COL24A1: variants seen among roughly 807,000 people sequenced by gnomAD.
The protein encoded by COL24A1 is collagen type XXIV alpha 1 chain, also known as collagen alpha-1(XXIV) chain.
COL24A1 carries 224 observed loss-of-function variants against 253.9 expected under a neutral mutation model. The ratio of observed to expected loss-of-function variants is 0.88; its 90% CI spans 0.79 to 0.99. The LOEUF (loss-of-function observed/expected upper bound fraction) is 0.99, where lower values mean the gene tolerates loss of function less well. Among genes scored for constraint, COL24A1 ranks in the 50% least tolerant of loss-of-function variants. COL24A1 has a pLI of 0.00. For missense variants in COL24A1, 2,131 were observed against 2,068.5 expected (o/e 1.03, Z -0.59); for synonymous variants, 685 against 673.7 (o/e 1.02, Z -0.26).
At chr1:86,025,150 T>C (rs147919490) in intron 14 of COL24A1, among the ~76,000 whole-genome samples, 8 of 152,316 alleles carry the variant, frequency 5.3e-5, no homozygotes, top group Non-Finnish European at 7.4e-5. Flanking sequence ...TATAGCCTTC[T>C]GAAAGCAACT....
chr1:85,775,788 A>T (rs915676845), intron 52 of COL24A1, 79 bp from the exon 53 acceptor site: 7 of 1,190,282 alleles, frequency 5.9e-6, no homozygotes, highest in Non-Finnish European at 8.5e-6. Context: ...TTATATGTAG[A>T]AACATGACAA....
chr1:86,125,336 C>A lies in COL24A1; in HGVS notation c.1000G>T (p.Ala334Ser). The part of the protein sequence containing the change: ...AVDLTNHGIQ[A>S]KEMITEEDTQ... ...TCTTCCTCAGTGATCATTTCTTTGG[C>A]CTGAATCCCATGGTTTGTGAGATCC... Residue 334 changes from alanine to serine, a missense_variant, in exon 3 of 60, where the codon GCC (alanine) becomes TCC (serine). Ala to Ser is a moderately conservative substitution (Grantham distance 99). Coordinates refer to ENST00000370571, the MANE Select transcript of COL24A1 (RefSeq NM_152890.7). The A allele has an allele frequency of 6.2e-7, 1 of 1,613,590 alleles. No homozygotes were observed. The highest frequency in any genetic ancestry group is 8.5e-7 in the Non-Finnish European group (1 of 1,179,774).
chr1:86,139,543 T>TA, intron 2 of COL24A1, among the ~76,000 whole-genome samples: 1 of 152,210 alleles, frequency 6.6e-6, no homozygotes, highest in East Asian at 1.9e-4. Context: ...ATTGGTAGTT[T>TA]AAAATACTTA....
At chr1:85,979,436 T>C (rs944793072) in intron 20 of COL24A1, among the ~76,000 whole-genome samples, 3 of 152,080 alleles carry the variant, frequency 2.0e-5, no homozygotes, top group Non-Finnish European at 1.5e-5. Flanking sequence ...GATAGGCAAT[T>C]ACTGAGATTA....
chr1:85,985,366 G>T (rs938647611), intron 20 of COL24A1, among the ~76,000 whole-genome samples: 1 of 151,730 alleles, frequency 6.6e-6, no homozygotes, highest in East Asian at 1.9e-4. Flanking sequence ...GCTTTTGGAA[G>T]AGTGATGGTG....
chr1:85,969,680 T>C (rs962501116), intron 22 of COL24A1, among the ~76,000 whole-genome samples: 1 of 145,558 alleles, frequency 6.9e-6, no homozygotes, highest in African/African-American at 2.6e-5. Context: ...AGAAATGAGA[T>C]GTATTTCATG....
intron 5 of COL24A1, among the ~76,000 whole-genome samples, chr1:86,110,789 C>A (rs1028995846): frequency 6.6e-6 from 1 of 152,174 alleles, no homozygotes; most frequent in African/African-American, 2.4e-5. Context: ...CAGGGCAGGG[C>A]TCCGGACCTG....
At chr1:86,021,584 T>A (rs1053848241) in intron 18 of COL24A1, among the ~76,000 whole-genome samples, 2 of 152,164 alleles carry the variant, frequency 1.3e-5, no homozygotes, top group South Asian at 4.1e-4. Flanking sequence ...TTAATTTAGA[T>A]GTATAGTCCT....
At chr1:85,766,778 T>C (rs1006891703) in intron 53 of COL24A1, among the ~76,000 whole-genome samples, 1 of 152,268 alleles carries the variant, frequency 6.6e-6, no homozygotes, top group Non-Finnish European at 1.5e-5. Flanking sequence ...AATAAATTCA[T>C]AGTTTAATAA....
At chr1:86,073,338 C>A (rs1026859002) in intron 7 of COL24A1, among the ~76,000 whole-genome samples, 1 of 151,830 alleles carries the variant, frequency 6.6e-6, no homozygotes, top group African/African-American at 2.4e-5. Flanking sequence ...TAGACAGTAT[C>A]AAGAATCAAA....
intron 47 of COL24A1, among the ~76,000 whole-genome samples, chr1:85,809,224 G>C (rs1282237594): frequency 2.6e-5 from 4 of 152,078 alleles, no homozygotes; most frequent in African/African-American, 9.7e-5. Context: ...GAGCAGCAAG[G>C]AATTAGAGAA....
chr1:85,828,346 T>C (rs943169425), intron 43 of COL24A1, among the ~76,000 whole-genome samples: 2 of 151,650 alleles, frequency 1.3e-5, no homozygotes, highest in Non-Finnish European at 2.9e-5. Flanking sequence ...CTTCCAAGTA[T>C]GTGGTCAATT....
chr1:86,061,025 C>G lies in COL24A1; in HGVS notation c.1753-1851G>C, dbSNP rs577199264. 2.0e-5 allele frequency among the ~76,000 whole-genome samples: 3 copies of G among 151,852 alleles called. No individual in the cohort carries two copies. The East Asian group carries it at 5.8e-4, about 29-fold the overall frequency. ...ACCCTATAAGATAGATATCTTTATT[C>G]CCATATGAGAGATGAGAAAAAATGA... On this transcript the variant is annotated intron_variant, in intron 8 of 59. Transcript: ENST00000370571.
chr1:85,940,747 T>C (rs1688683796), intron 24 of COL24A1, among the ~76,000 whole-genome samples: 2 of 152,144 alleles, frequency 1.3e-5, no homozygotes, highest in Non-Finnish European at 2.9e-5. Context: ...ATCAAAAATG[T>C]AGTAATAAAA....
Position 86,022,256 on chromosome 1 carries a change from C to G in COL24A1, c.2240G>C (p.Gly747Ala). 1.2e-6 allele frequency: 2 copies of G among 1,612,996 alleles called. No individual in the cohort carries two copies. Among genetic ancestry groups the G allele is most frequent in the Non-Finnish European group, 1.7e-6 (2 of 1,179,108 alleles). Residue 747 changes from glycine to alanine, a missense_variant, in exon 18 of 60, where the codon GGA (glycine) becomes GCA (alanine). Physicochemically the swap from Gly to Ala is moderately conservative, Grantham distance 60. Coordinates refer to ENST00000370571, the MANE Select transcript of COL24A1 (RefSeq NM_152890.7). Reference sequence around the variant, plus strand: ...CAAACCTACTGAAGGCCCTGACTTTCCTCTCATCCCTGGTGGTCCTGGTAA... The same window carrying G: ...CAAACCTACTGAAGGCCCTGACTTTGCTCTCATCCCTGGTGGTCCTGGTAA... ...VGLPGPPGMR[G>A]KSGPSGQTGD...
intron 24 of COL24A1, among the ~76,000 whole-genome samples, chr1:85,925,632 G>A (rs562750218): frequency 1.8e-4 from 27 of 152,268 alleles, no homozygotes; most frequent in African/African-American, 6.3e-4. Context: ...GTAGAAAGCT[G>A]AAACTGGATC....
chr1:86,077,681 C>G (rs571110549), intron 7 of COL24A1, among the ~76,000 whole-genome samples: 1 of 152,148 alleles, frequency 6.6e-6, no homozygotes, highest in Non-Finnish European at 1.5e-5. Context: ...AGTCCATGTT[C>G]TTTGCAGGGA....
chr1:85,853,475 T>G (rs1380958087), intron 37 of COL24A1, among the ~76,000 whole-genome samples: 1 of 152,198 alleles, frequency 6.6e-6, no homozygotes, highest in Non-Finnish European at 1.5e-5. Flanking sequence ...TATATTCCTT[T>G]GGGTATATAC....
At chr1:85,954,002 C>T (rs1314862117) in intron 24 of COL24A1, among the ~76,000 whole-genome samples, 3 of 152,106 alleles carry the variant, frequency 2.0e-5, no homozygotes, top group Non-Finnish European at 4.4e-5. Flanking sequence ...AAGACTGATG[C>T]TATTGGAAAA....
Sources: allele counts gnomAD v4.1 joint callset (sites outside exome capture counted in the v4.1 genomes callset), GRCh38; gene constraint gnomAD v4.1.1; transcripts MANE v1.5; gene names NCBI Gene and HGNC (gene_info 2026-07-23, HGNC 2026-07-21).